The following DAB1 variants were observed in gnomAD, a reference collection of about 807,000 sequenced individuals.
DAB1 encodes the protein disabled homolog 1.
Under a neutral mutation model 64.6 loss-of-function variants are expected in DAB1, and 15 were observed. The ratio of observed to expected loss-of-function variants is 0.23; its 90% CI spans 0.16 to 0.36. The LOEUF is 0.36. DAB1 is among the 10% of genes least tolerant of loss of function. The probability of loss-of-function intolerance (pLI) is 1.00; values close to 1 mark genes in which losing one functional copy is unlikely to be tolerated. For synonymous variants in DAB1, 235 were observed against 251.9 expected (o/e 0.93, Z 0.64); for missense variants, 596 against 706.7 (o/e 0.84, Z 1.78).
At chr1:58,298,839 C>A (rs150347948) in intron 4 of DAB1, among the ~76,000 whole-genome samples, 275 of 152,324 alleles carry the variant, frequency 1.8e-3, no homozygotes, top group African/African-American at 5.6e-3. Flanking sequence ...GGCTCCCAGA[C>A]CCTTCCAAAT....
chr1:58,254,544 TC>T (rs1335352012), intron 4 of DAB1, among the ~76,000 whole-genome samples: 1 of 79,838 alleles, frequency 1.3e-5, no homozygotes, highest in Non-Finnish European at 2.4e-5. Context: ...CCCTCCCCCC[TC>T]CCCCCACCCC....
At chr1:57,410,258 T>TA (rs1684001426) in intron 1 of DAB1, among the ~76,000 whole-genome samples, 1 of 152,010 alleles carries the variant, frequency 6.6e-6, no homozygotes, top group Admixed American at 6.5e-5. Flanking sequence ...CCCTCTACTG[T>TA]AAAAAAAGAA....
intron 6 of DAB1, among the ~76,000 whole-genome samples, chr1:57,794,169 G>C (rs913000962): frequency 6.6e-6 from 1 of 152,146 alleles, no homozygotes; most frequent in Non-Finnish European, 1.5e-5. Context: ...CTACCCGTAG[G>C]GACCCAAGAT....
At chr1:57,387,893 C>T (rs1425174791) in intron 1 of DAB1, among the ~76,000 whole-genome samples, 6 of 151,698 alleles carry the variant, frequency 4.0e-5, no homozygotes, top group Non-Finnish European at 5.9e-5. Flanking sequence ...GCCCTTCCAC[C>T]AGAAAGTCAA....
intron 12 of DAB1, among the ~76,000 whole-genome samples, chr1:57,012,394 A>C (rs1409800082): frequency 6.6e-6 from 1 of 152,206 alleles, no homozygotes; most frequent in Non-Finnish European, 1.5e-5. Flanking sequence ...TTTGTTTCCC[A>C]GATGGAGAAA....
intron 1 of DAB1, among the ~76,000 whole-genome samples, chr1:57,300,713 C>T (rs762178038): frequency 2.0e-5 from 3 of 152,014 alleles, no homozygotes; most frequent in East Asian, 3.9e-4. Flanking sequence ...CAAGGAGGCC[C>T]GAAGAAAATC....
intron 5 of DAB1, among the ~76,000 whole-genome samples, chr1:57,998,459 G>A (rs1646460678): frequency 6.8e-6 from 1 of 146,692 alleles, no homozygotes; most frequent in African/African-American, 2.6e-5. Context: ...TGCTTCCTGG[G>A]TTCAAGTGAT....
chr1:57,473,879 T>A (rs944252802), intron 7 of DAB1, among the ~76,000 whole-genome samples: 3 of 152,228 alleles, frequency 2.0e-5, no homozygotes, highest in African/African-American at 7.2e-5. Flanking sequence ...CGTAAAAATG[T>A]CTATTCATTC....
intron 4 of DAB1, among the ~76,000 whole-genome samples, chr1:58,212,673 T>G (rs1049024539): frequency 6.6e-6 from 1 of 152,178 alleles, no homozygotes; most frequent in Admixed American, 6.5e-5. Flanking sequence ...TCATCTTATC[T>G]CATATTAACT....
chr1:57,491,291 G>A (rs1290535021), intron 7 of DAB1, among the ~76,000 whole-genome samples: 7 of 151,950 alleles, frequency 4.6e-5, no homozygotes, highest in Admixed American at 2.0e-4. Context: ...AGCCAGGCGT[G>A]GTGGCAGGCG....
At chr1:58,005,686 T>G (rs968838557) in intron 5 of DAB1, among the ~76,000 whole-genome samples, 1 of 150,966 alleles carries the variant, frequency 6.6e-6, no homozygotes, top group Non-Finnish European at 1.5e-5. Context: ...AATAGCAAGA[T>G]CTTTTTTGAT....
chr1:58,484,931 A>G (rs1645548660), intron 3 of DAB1, among the ~76,000 whole-genome samples: 1 of 152,062 alleles, frequency 6.6e-6, no homozygotes, highest in African/African-American at 2.4e-5. Flanking sequence ...CACAGAGTGT[A>G]TTTTTATGGC....
rs112407784 is a variant in DAB1, at chr1:57,815,218, G to A, written n.551+68781C>T. 9.4e-3 allele frequency among the ~76,000 whole-genome samples: 1,422 copies of A among 151,940 alleles called. 27 individuals are homozygous for A. Among genetic ancestry groups the A allele is most frequent in the African/African-American group, 0.033 (1,350 of 41,442 alleles). On this transcript the variant is annotated intron_variant and non_coding_transcript_variant, in intron 6 of 20. Transcript: ENST00000485760. ...AGAGCAGCTTGGACTACAGGCACCC[G>A]CCACCACACCCGGCTAATTTTTTGT...
chr1:57,895,443 G>A (rs1261455235), intron 5 of DAB1, among the ~76,000 whole-genome samples: 4 of 152,160 alleles, frequency 2.6e-5, no homozygotes, highest in Non-Finnish European at 5.9e-5. Flanking sequence ...ATTGCCTCTA[G>A]ATATTCCAGA....
intron 1 of DAB1, among the ~76,000 whole-genome samples, chr1:57,324,872 C>A (rs1676025296): frequency 6.6e-6 from 1 of 152,208 alleles, no homozygotes; most frequent in African/African-American, 2.4e-5. Flanking sequence ...AGAGTTGACT[C>A]CCCTCCTTCA....
At chr1:58,193,864 A>G (rs1229307642) in intron 4 of DAB1, among the ~76,000 whole-genome samples, 3 of 152,194 alleles carry the variant, frequency 2.0e-5, no homozygotes, top group Non-Finnish European at 2.9e-5. Context: ...CTAAAAAAAA[A>G]AAGAAAAGAA....
chr1:58,505,711 C>T (rs1179605589), intron 3 of DAB1, among the ~76,000 whole-genome samples: 1 of 152,014 alleles, frequency 6.6e-6, no homozygotes, highest in Admixed American at 6.6e-5. Context: ...TAACAAAAAG[C>T]TTAAATCACC....
At chr1:58,377,061 G>A (rs1460362530) in intron 3 of DAB1, among the ~76,000 whole-genome samples, 3 of 121,378 alleles carry the variant, frequency 2.5e-5, no homozygotes, top group African/African-American at 9.7e-5. Flanking sequence ...TTTATTTTGA[G>A]CCTATGTGTG....
Position 57,284,550 on chromosome 1 carries a change from G to A in DAB1, c.67+6414C>T, listed in dbSNP as rs538666474. Among the ~76,000 whole-genome samples the A allele has an allele frequency of 3.9e-5, 6 of 152,302 alleles. No homozygotes were observed. The East Asian group carries it at 7.7e-4, about 20-fold the overall frequency. On this transcript the variant is annotated intron_variant, in intron 2 of 14. Coordinates refer to ENST00000371236, the MANE Select transcript of DAB1 (RefSeq NM_001365792.1). Reference sequence around the variant, plus strand: ...ACTTGTCTGAAGTTAGACCATGAGAGAGTGGGGGGCTTAAAGTATGAACCC... The same window carrying A: ...ACTTGTCTGAAGTTAGACCATGAGAAAGTGGGGGGCTTAAAGTATGAACCC...
Sources: allele counts gnomAD v4.1 joint callset (sites outside exome capture counted in the v4.1 genomes callset), GRCh38; gene constraint gnomAD v4.1.1; transcripts MANE v1.5; gene names NCBI Gene and HGNC (gene_info 2026-07-23, HGNC 2026-07-21).